The following RAPGEF1 variants were observed in gnomAD, a reference collection of about 807,000 sequenced individuals.
RAPGEF1 encodes Rap guanine nucleotide exchange factor 1, also known as CRK SH3-binding GNRP.
Under a neutral mutation model 143.3 loss-of-function variants are expected in RAPGEF1, and 33 were observed. That is an observed-to-expected ratio of 0.23 (90% CI 0.17 to 0.31). RAPGEF1 has a LOEUF of 0.31. Among genes scored for constraint, RAPGEF1 ranks in the 10% least tolerant of loss-of-function variants. The pLI is 1.00. For synonymous variants in RAPGEF1, 629 were observed against 676.5 expected, an observed-to-expected ratio of 0.93 and a Z score of 1.09; for missense variants, 1,199 against 1,645.4, an observed-to-expected ratio of 0.73 and a Z score of 4.69.
rs538312536 is a variant in RAPGEF1 at position 131,732,238 on chromosome 9, A to G, written c.61+7532T>C. ...AGTCCTAAATCACATTCAAAGGCCA[A>G]CTGAAAAAAAAAAAAATAACAAGTA... is the stretch of plus-strand genomic sequence containing the variant. On this transcript the variant is annotated intron_variant, in intron 1 of 26. Coordinates refer to ENST00000683357, the MANE Select transcript of RAPGEF1 (RefSeq NM_001377935.1). Among the ~76,000 whole-genome samples, 4 of 93,640 alleles carry G rather than the reference A, an allele frequency of 4.3e-5. No homozygotes were observed. The South Asian group carries it at 1.3e-3, about 30-fold the overall frequency. The allele number at this position is 93,640 out of a possible 152,430, so 61.4% of individuals were successfully genotyped here.
chr9:131,707,199 G>A (rs759257541), intron 1 of RAPGEF1, among the ~76,000 whole-genome samples: 3 of 152,172 alleles, frequency 2.0e-5, no homozygotes. Context: ...GAAGAGTACC[G>A]CATCTTGGTC....
chr9:131,592,247 G>A (rs912111793), intron 17 of RAPGEF1, 64 bp from the exon 18 acceptor site: 26 of 1,356,468 alleles, frequency 1.9e-5, no homozygotes, highest in Non-Finnish European at 2.6e-5. Context: ...TGGTAGCCAG[G>A]GTGGATTTGA....
At chr9:131,724,856 A>G (rs1337068939) in intron 1 of RAPGEF1, among the ~76,000 whole-genome samples, 1 of 152,172 alleles carries the variant, frequency 6.6e-6, no homozygotes, top group Non-Finnish European at 1.5e-5. Flanking sequence ...ACACACAGAT[A>G]TTGGCAAACC....
intron 1 of RAPGEF1, among the ~76,000 whole-genome samples, chr9:131,665,954 G>A (rs1830361069): frequency 6.6e-6 from 1 of 152,180 alleles, no homozygotes; most frequent in African/African-American, 2.4e-5. Context: ...ACCCCAATGA[G>A]AGAATCAAAT....
intron 26 of RAPGEF1, 44 bp downstream of exon 26, chr9:131,580,219 C>T (rs562580623): frequency 4.7e-5 from 76 of 1,606,608 alleles, no homozygotes; most frequent in South Asian, 1.9e-4. Flanking sequence ...GTGTGTGGCC[C>T]GGGGCTCAGC....
intron 4 of RAPGEF1, 134 bp from the exon 5 acceptor site, chr9:131,638,925 G>C: frequency 1.2e-6 from 1 of 827,214 alleles, no homozygotes; most frequent in Non-Finnish European, 1.8e-6. Flanking sequence ...CTTTTAATAA[G>C]CAAACTTCTC....
chr9:131,727,663 G>A (rs1011262131), intron 1 of RAPGEF1, among the ~76,000 whole-genome samples: 3 of 152,148 alleles, frequency 2.0e-5, no homozygotes, highest in Non-Finnish European at 4.4e-5. Flanking sequence ...TGAGGCCAGG[G>A]AACTCCGCAC....
At chr9:131,676,878 T>C (rs1232512608) in intron 1 of RAPGEF1, among the ~76,000 whole-genome samples, 1 of 152,214 alleles carries the variant, frequency 6.6e-6, no homozygotes, top group Non-Finnish European at 1.5e-5. Context: ...AAGAGACTTC[T>C]TAGAAATGCA....
At chr9:131,734,823 C>T (rs1837313674) in intron 1 of RAPGEF1, among the ~76,000 whole-genome samples, 1 of 152,168 alleles carries the variant, frequency 6.6e-6, no homozygotes, top group African/African-American at 2.4e-5. Flanking sequence ...TTTCGATTTA[C>T]AATAAAAGCA....
At chr9:131,739,122 G>A (rs1021645311) in intron 1 of RAPGEF1, among the ~76,000 whole-genome samples, 1 of 152,166 alleles carries the variant, frequency 6.6e-6, no homozygotes, top group Admixed American at 6.5e-5. Flanking sequence ...CAGGGACTCG[G>A]AAGGTAACTC....
intron 1 of RAPGEF1, among the ~76,000 whole-genome samples, chr9:131,654,063 G>A (rs1043770931): frequency 1.3e-5 from 2 of 152,186 alleles, no homozygotes; most frequent in Non-Finnish European, 2.9e-5. Flanking sequence ...CATTTGAAAT[G>A]TCCAGAATAG....
chr9:131,694,797 CTTT>C (rs60955547), intron 1 of RAPGEF1, among the ~76,000 whole-genome samples: 2 of 139,472 alleles, frequency 1.4e-5, no homozygotes, highest in South Asian at 2.3e-4. Context: ...TTCACACTTT[CTTT>C]TTTTTTTTTT....
chr9:131,597,766 G>T (rs936446577), intron 16 of RAPGEF1, among the ~76,000 whole-genome samples: 1 of 152,042 alleles, frequency 6.6e-6, no homozygotes, highest in African/African-American at 2.4e-5. Flanking sequence ...TGCCCAGGCT[G>T]GTCTTGAACG....
At chr9:131,602,702 G>A (rs1956461270) in intron 14 of RAPGEF1, among the ~76,000 whole-genome samples, 1 of 152,208 alleles carries the variant, frequency 6.6e-6, no homozygotes, top group African/African-American at 2.4e-5. Flanking sequence ...AGTCCTCAGG[G>A]CTGCAGTGCT....
In RAPGEF1 at chr9:131,626,113, T is replaced by C. The variant is rs765702797; in HGVS notation, c.1511A>G (p.Asn504Ser). 7.4e-6 allele frequency: 12 copies of C among 1,613,744 alleles called. No individual in the cohort carries two copies. The Admixed American group carries it at 8.3e-5, about 11-fold the overall frequency. Residue 504 changes from asparagine to serine, a missense_variant, in exon 10 of 27, where the codon AAC becomes AGC. Physicochemically the swap from Asn to Ser is conservative, Grantham distance 46. Coordinates refer to ENST00000683357, the MANE Select transcript of RAPGEF1 (RefSeq NM_001377935.1). ...GCTCTGCAGGTCCTCCCCAGAGATG[T>C]TGTCATACTGCGAGGGATGCCGCTC... ...SYERHPSQYD[N>S]ISGEDLQSTA...
At chr9:131,724,543 C>A (rs956543703) in intron 1 of RAPGEF1, among the ~76,000 whole-genome samples, 1 of 151,986 alleles carries the variant, frequency 6.6e-6, no homozygotes, top group Non-Finnish European at 1.5e-5. Context: ...TGCAGTGAGC[C>A]GAGATCACGC....
rs566610352 is a variant in RAPGEF1 at position 131,584,969 on chromosome 9, C to T, written c.3234-373G>A. Among the ~76,000 whole-genome samples, 5 of 152,296 alleles carry T rather than the reference C, an allele frequency of 3.3e-5. No homozygotes were observed. The South Asian group carries it at 6.2e-4, about 19-fold the overall frequency. ...TTCCTTGTGTGATGCAGGACTGGCT[C>T]GGGGAGACCCGCTAGCACGTGAGGT... On this transcript the variant is annotated intron_variant, in intron 22 of 26. Coordinates refer to ENST00000683357, the MANE Select transcript of RAPGEF1 (RefSeq NM_001377935.1). The surrounding 1 kb of genome is among the most constrained non-coding windows in gnomAD (Gnocchi z 6.8).
chr9:131,638,422 T>G (rs1966852995), intron 5 of RAPGEF1, among the ~76,000 whole-genome samples: 1 of 152,226 alleles, frequency 6.6e-6, no homozygotes, highest in Admixed American at 6.5e-5. Context: ...CAGTGCTCAG[T>G]AAGGGCTGAC....
At chr9:131,739,733 C>T in intron 1 of RAPGEF1, 37 bp downstream of exon 1, 4 of 1,102,072 alleles carry the variant, frequency 3.6e-6, no homozygotes, top group South Asian at 2.5e-5. Flanking sequence ...CAGGGCCGGG[C>T]CCGGCCGGAG....
Sources: allele counts gnomAD v4.1 joint callset (sites outside exome capture counted in the v4.1 genomes callset), GRCh38; gene constraint gnomAD v4.1.1; non-coding constraint Gnocchi (gnomAD v3.1); transcripts MANE v1.5; gene names NCBI Gene and HGNC (gene_info 2026-07-23, HGNC 2026-07-21).